Variants in ATP2C2 observed in about 807,000 individuals in gnomAD.
ATP2C2 encodes calcium-transporting ATPase type 2C member 2.
Under a neutral mutation model 110.8 loss-of-function variants are expected in ATP2C2, and 171 were observed. That is an observed-to-expected ratio of 1.54 (90% CI 1.36 to 1.75). ATP2C2 has a LOEUF of 1.75. Ranked by LOEUF, ATP2C2 falls within the 40% of genes most tolerant of loss-of-function variation. The pLI is 0.00. For missense variants in ATP2C2, 1,963 were observed against 1,235.0 expected, an observed-to-expected ratio of 1.59 and a Z score of -8.84; for synonymous variants, 804 against 508.4, an observed-to-expected ratio of 1.58 and a Z score of -7.82.
At chr16:84,373,545 T>G (rs1910083487) in intron 1 of ATP2C2, among the ~76,000 whole-genome samples, 1 of 152,198 alleles carries the variant, frequency 6.6e-6, no homozygotes, top group Non-Finnish European at 1.5e-5. Context: ...AAGCCTTTTT[T>G]GAATCTCATT....
At position 84,459,363 on chromosome 16, in the gene ATP2C2, CATGG is replaced by C. The variant is rs1363938227; in HGVS notation, c.2315_2318del (p.Asp772GlyfsTer9). On this transcript the variant is annotated frameshift_variant, in exon 23 of 27. Coordinates refer to ENST00000262429, the MANE Select transcript of ATP2C2 (RefSeq NM_014861.4). LOFTEE classifies it high-confidence loss of function. ...TGCAGATCCTATGGATCAACATCATCATGGATGGGCCACCGGCGCAGAGGTGAGG... is the reference window on the plus strand; with the variant it reads ...TGCAGATCCTATGGATCAACATCATCATGGGCCACCGGCGCAGAGGTGAGG... 6.2e-7 allele frequency: 1 copy of C among 1,614,180 alleles called. No homozygotes were observed. Among genetic ancestry groups the C allele is most frequent in the East Asian group, 2.2e-5 (1 of 44,880 alleles).
intron 7 of ATP2C2, among the ~76,000 whole-genome samples, chr16:84,419,696 C>G (rs1417820229): frequency 2.0e-5 from 3 of 152,174 alleles, no homozygotes; most frequent in Non-Finnish European, 4.4e-5. Flanking sequence ...ATTCATTCAA[C>G]AAGTGTTTCC....
intron 11 of ATP2C2, 60 bp from the exon 12 acceptor site, chr16:84,439,106 G>C (rs904549110): frequency 1.3e-6 from 2 of 1,596,972 alleles, no homozygotes; most frequent in South Asian, 1.1e-5. Context: ...GCCAGCCCCA[G>C]CTGAGAGTCA....
At chr16:84,445,829 G>C (rs1371051349) in intron 15 of ATP2C2, among the ~76,000 whole-genome samples, 1 of 152,216 alleles carries the variant, frequency 6.6e-6, no homozygotes, top group Admixed American at 6.5e-5. Flanking sequence ...GGGACAGTGG[G>C]ATGCATGGGT....
intron 1 of ATP2C2, among the ~76,000 whole-genome samples, chr16:84,375,396 C>A (rs755052890): frequency 6.6e-6 from 1 of 152,086 alleles, no homozygotes; most frequent in Admixed American, 6.5e-5. Context: ...ACAAAATTGG[C>A]CGGGTGTGGT....
intron 18 of ATP2C2, 118 bp downstream of exon 18, chr16:84,452,209 A>G (rs1910351117): frequency 7.9e-7 from 1 of 1,261,740 alleles, no homozygotes; most frequent in Non-Finnish European, 1.1e-6. Flanking sequence ...GCCTAGCCCT[A>G]CAGGCTTAGA....
chr16:84,425,857 C>G, intron 11 of ATP2C2, 56 bp downstream of exon 11: 1 of 1,579,738 alleles, frequency 6.3e-7, no homozygotes, highest in Non-Finnish European at 8.7e-7. Context: ...GGCTCTGAGC[C>G]CTTCCCTGCC....
intron 11 of ATP2C2, among the ~76,000 whole-genome samples, chr16:84,435,696 T>C (rs1339214408): frequency 9.1e-6 from 1 of 109,970 alleles, no homozygotes; most frequent in Admixed American, 9.5e-5. Flanking sequence ...TAAATAGTGG[T>C]GCATGCCTAT....
intron 15 of ATP2C2, among the ~76,000 whole-genome samples, chr16:84,444,162 C>CAAAAAAAAAAAAAAAAA (rs71151217): frequency 7.7e-5 from 8 of 104,560 alleles, no homozygotes; most frequent in Non-Finnish European, 1.1e-4. Flanking sequence ...GATCCTGCCT[C>CAAAAAAAAAAAAAAAAA]AAAAAAAAAA....
rs370973564 is a variant in ATP2C2 at position 84,439,548 on chromosome 16, G to A, written c.1209+24G>A. ...AGGTGAGTGCCAAAGGAATTTACAA[G>A]CCTTAAGGATGCACCCAGCCAGGCT... On this transcript the variant is annotated intron_variant, in intron 13 of 26. Coordinates refer to ENST00000262429, the MANE Select transcript of ATP2C2 (RefSeq NM_014861.4). The A allele has an allele frequency of 1.6e-5, 25 of 1,607,042 alleles. No homozygotes were observed. The African/African-American group carries it at 1.9e-4, about 12-fold the overall frequency.
intron 21 of ATP2C2, among the ~76,000 whole-genome samples, chr16:84,458,557 ATATTT>A (rs1421359040): frequency 1.3e-5 from 2 of 152,208 alleles, no homozygotes; most frequent in Non-Finnish European, 2.9e-5. Context: ...TCTTTTCAAA[ATATTT>A]TAGTAAAATC....
Position 84,425,812 on chromosome 16 carries a change from T to C in ATP2C2, c.986+11T>C. The C allele has an allele frequency of 6.2e-7, 1 of 1,613,934 alleles. No homozygotes were observed. Among genetic ancestry groups the C allele is most frequent in the Non-Finnish European group, 8.5e-7 (1 of 1,179,872 alleles). ...CACGATCGGGGTCAGGTAAGAGTGCTATGGCCGCCCCTTGCCTTGCCAGGG... is the reference window on the plus strand; with the variant it reads ...CACGATCGGGGTCAGGTAAGAGTGCCATGGCCGCCCCTTGCCTTGCCAGGG... On this transcript the variant is annotated intron_variant, in intron 11 of 26. Transcript: ENST00000262429.
In ATP2C2 at chr16:84,410,557, T is replaced by C. The variant is rs1403623968; in HGVS notation, c.418-11T>C. Reference sequence around the variant, plus strand: ...CTCTGGTACTGACACCCTCCTCCGTTTGCTGTCTAGGCAGTGCTTGTCGTG... The same window carrying C: ...CTCTGGTACTGACACCCTCCTCCGTCTGCTGTCTAGGCAGTGCTTGTCGTG... On this transcript the variant is annotated splice_polypyrimidine_tract_variant and intron_variant, in intron 4 of 26. Transcript: ENST00000262429. 6.2e-7 allele frequency: 1 copy of C among 1,613,634 alleles called. No individual in the cohort carries two copies. The highest frequency in any genetic ancestry group is 1.3e-5 in the African/African-American group (1 of 74,914).
At chr16:84,455,058 C>T (rs1910665589) in intron 21 of ATP2C2, 74 bp downstream of exon 21, 2 of 1,254,842 alleles carry the variant, frequency 1.6e-6, no homozygotes, top group Non-Finnish European at 2.2e-6. Context: ...GAACCTGCTA[C>T]TGTGGAGATA....
At chr16:84,402,028 A>G (rs934383200) in intron 2 of ATP2C2, among the ~76,000 whole-genome samples, 2 of 152,024 alleles carry the variant, frequency 1.3e-5, no homozygotes, top group Non-Finnish European at 2.9e-5. Context: ...TATAGTTTTC[A>G]TTGTAGAGAT....
At position 84,459,356 on chromosome 16, in the gene ATP2C2, ACAT is replaced by A; in HGVS notation, c.2310_2312del (p.Ile770del). ...AACGCCATGCAGATCCTATGGATCA[ACAT>A]CATCATGGATGGGCCACCGGCGCAG... On this transcript the variant is annotated inframe_deletion, in exon 23 of 27. Transcript: ENST00000262429. The A allele has an allele frequency of 1.2e-6, 2 of 1,614,172 alleles. No homozygotes were observed. Among genetic ancestry groups the A allele is most frequent in the East Asian group, 2.2e-5 (1 of 44,872 alleles).
chr16:84,410,086 G>C (rs1308971545), intron 4 of ATP2C2, among the ~76,000 whole-genome samples: 1 of 152,150 alleles, frequency 6.6e-6, no homozygotes, highest in African/African-American at 2.4e-5. Flanking sequence ...GCATGTGCCT[G>C]TGGTCCCAGC....
intron 20 of ATP2C2, 140 bp from the exon 21 acceptor site, chr16:84,454,678 G>T (rs368964860): frequency 4.6e-6 from 4 of 865,296 alleles, no homozygotes; most frequent in East Asian, 6.0e-5. Flanking sequence ...AATTCCCACA[G>T]CTAATGTGGG....
intron 6 of ATP2C2, among the ~76,000 whole-genome samples, chr16:84,412,022 G>A (rs576457592): frequency 4.2e-4 from 51 of 120,274 alleles, no homozygotes; most frequent in Middle Eastern, 4.0e-3. Context: ...TGTTGTTGTT[G>A]TTGTTGAGAC....
Sources: gnomAD v4.1 joint callset for allele counts (sites outside exome capture counted in the v4.1 genomes callset) on GRCh38, gnomAD v4.1.1 for gene constraint, MANE v1.5 for transcripts, NCBI Gene and HGNC (gene_info 2026-07-23, HGNC 2026-07-21) for gene names.